LRBA: variants seen among roughly 807,000 people sequenced by gnomAD.
LRBA encodes lipopolysaccharide-responsive and beige-like anchor protein.
Under a neutral mutation model 330.0 loss-of-function variants are expected in LRBA, and 176 were observed. That is an observed-to-expected ratio of 0.53 (90% CI 0.47 to 0.60). LRBA has a LOEUF of 0.60. Among genes scored for constraint, LRBA ranks in the 20% least tolerant of loss-of-function variants. LRBA has a pLI of 0.00. For synonymous variants in LRBA, 1,230 were observed against 1,193.0 expected (o/e 1.03, Z -0.64); for missense variants, 3,259 against 3,444.8 (o/e 0.95, Z 1.35).
chr4:150,679,720 A>T (rs1182318226), intron 37 of LRBA: 1 of 152,220 alleles, frequency 6.6e-6, no homozygotes, highest in Non-Finnish European at 1.5e-5. Context: ...CTAAACCTAA[A>T]CAGTCTCCTA....
Position 150,957,460 on chromosome 4 carries a change from A to T in LRBA, c.217-28395T>A, listed in dbSNP as rs377015999. ...TTACCTCCCACTGGGTCCCTCCCAC[A>T]ACATGTGGGAATTGTGGGAGCTAGA... On this transcript the variant is annotated intron_variant, in intron 2 of 56. Transcript: ENST00000651943. Among the ~76,000 whole-genome samples, 17 of 148,530 alleles carry T rather than the reference A, an allele frequency of 1.1e-4. 2 individuals are homozygous for T. Among genetic ancestry groups the T allele is most frequent in the African/African-American group, 4.2e-4 (16 of 38,006 alleles).
At chr4:150,525,876 T>A (rs1260917812) in intron 40 of LRBA, among the ~76,000 whole-genome samples, 6 of 152,120 alleles carry the variant, frequency 3.9e-5, no homozygotes, top group Admixed American at 2.6e-4. Context: ...TTTATTCCTC[T>A]CAAATTTCTA....
intron 51 of LRBA, among the ~76,000 whole-genome samples, chr4:150,312,645 T>G (rs1731211695): frequency 2.0e-5 from 3 of 152,150 alleles, no homozygotes; most frequent in Admixed American, 6.6e-5. Context: ...TTTACTGCTT[T>G]CAATAAAATG....
chr4:150,366,782 T>C (rs1245039003), intron 47 of LRBA, among the ~76,000 whole-genome samples: 6 of 152,132 alleles, frequency 3.9e-5, no homozygotes, highest in Non-Finnish European at 8.8e-5. Flanking sequence ...AACCACCTGA[T>C]TGGAAAAGAG....
rs1382445452 is a variant in LRBA at position 150,777,729 on chromosome 4, C to T, written c.5581-15882G>A. ...GTGCAGTGGCTCCCATCTGTAATCC[C>T]AGCACTCTGGGAGGCCAAGGTGGGA... On this transcript the variant is annotated intron_variant, in intron 34 of 56. Coordinates refer to ENST00000651943, the MANE Select transcript of LRBA (RefSeq NM_001364905.1). Among the ~76,000 whole-genome samples the T allele has an allele frequency of 3.9e-5, 6 of 151,988 alleles. No individual in the cohort carries two copies. The East Asian group carries it at 1.2e-3, about 29-fold the overall frequency.
rs1194893285 is a variant in LRBA at position 150,996,621 on chromosome 4, A to G, written c.216+17806T>C. ...AAGTATGCATTGTTAAATCAATGAT[A>G]AAAGTTTTAAAATAATTCATTTTCT... is the stretch of plus-strand genomic sequence containing the variant. On this transcript the variant is annotated intron_variant, in intron 2 of 56. Transcript: ENST00000651943. 1.1e-4 allele frequency among the ~76,000 whole-genome samples: 17 copies of G among 152,210 alleles called. No individual in the cohort carries two copies. The South Asian group carries it at 3.5e-3, about 31-fold the overall frequency.
At chr4:150,405,228 A>G (rs1746022764) in intron 47 of LRBA, among the ~76,000 whole-genome samples, 1 of 152,246 alleles carries the variant, frequency 6.6e-6, no homozygotes, top group African/African-American at 2.4e-5. Context: ...AAAAAGCTCT[A>G]TGCATCTCAG....
chr4:150,330,038 A>G (rs550399282), intron 48 of LRBA, among the ~76,000 whole-genome samples: 3 of 152,270 alleles, frequency 2.0e-5, no homozygotes, highest in African/African-American at 7.2e-5. Context: ...CCTTTATGCA[A>G]TATTTCTCTG....
At chr4:150,880,264 T>C (rs982090177) in intron 17 of LRBA, among the ~76,000 whole-genome samples, 2 of 152,190 alleles carry the variant, frequency 1.3e-5, no homozygotes, top group Non-Finnish European at 2.9e-5. Context: ...TTGACACCTG[T>C]ATCCCAACAC....
At chr4:150,582,949 T>A in intron 40 of LRBA, 1 of 1,497,536 alleles carries the variant, frequency 6.7e-7, no homozygotes, top group Non-Finnish European at 8.9e-7. Flanking sequence ...CGAAAGCCGC[T>A]GGGCCACCAC....
chr4:150,892,209 CAA>C (rs1395141256), intron 17 of LRBA, among the ~76,000 whole-genome samples: 1 of 152,156 alleles, frequency 6.6e-6, no homozygotes, highest in Non-Finnish European at 1.5e-5. Flanking sequence ...TCTCATTAAA[CAA>C]AAGATTTTAA....
At chr4:150,493,578 G>T (rs953339571) in intron 40 of LRBA, among the ~76,000 whole-genome samples, 1 of 152,094 alleles carries the variant, frequency 6.6e-6, no homozygotes, top group African/African-American at 2.4e-5. Context: ...GAAAAACTAG[G>T]GTATCCAGCA....
chr4:150,719,740 C>T (rs1278776221), intron 36 of LRBA, among the ~76,000 whole-genome samples: 2 of 152,032 alleles, frequency 1.3e-5, no homozygotes, highest in East Asian at 1.9e-4. Flanking sequence ...GAGTAGGTAA[C>T]GTTACCTCTT....
intron 44 of LRBA, among the ~76,000 whole-genome samples, chr4:150,457,593 G>A (rs1209499522): frequency 6.6e-6 from 1 of 151,680 alleles, no homozygotes; most frequent in Non-Finnish European, 1.5e-5. Flanking sequence ...ATACATGCAA[G>A]TATATTTTAA....
At chr4:150,412,557 G>A (rs1245563604) in intron 47 of LRBA, among the ~76,000 whole-genome samples, 5 of 152,086 alleles carry the variant, frequency 3.3e-5, no homozygotes, top group African/African-American at 1.2e-4. Flanking sequence ...CTTAACTTAT[G>A]TAATTAAATT....
At chr4:150,881,689 T>G (rs1728409226) in intron 17 of LRBA, among the ~76,000 whole-genome samples, 1 of 152,128 alleles carries the variant, frequency 6.6e-6, no homozygotes, top group African/African-American at 2.4e-5. Context: ...ATTATTAACA[T>G]AAATACATAA....
intron 36 of LRBA, among the ~76,000 whole-genome samples, chr4:150,685,290 A>T (rs1004569440): frequency 4.1e-5 from 6 of 148,136 alleles, no homozygotes; most frequent in African/African-American, 1.2e-4. Context: ...CTCATTGTAA[A>T]CCAGTAAAAA....
At chr4:150,749,786 A>C (rs1406326216) in intron 35 of LRBA, among the ~76,000 whole-genome samples, 2 of 151,934 alleles carry the variant, frequency 1.3e-5, no homozygotes, top group Non-Finnish European at 2.9e-5. Context: ...GAAAAAAAAA[A>C]CCCTGTAAGT....
At chr4:150,389,049 G>A (rs1581179418) in intron 47 of LRBA, among the ~76,000 whole-genome samples, 1 of 152,210 alleles carries the variant, frequency 6.6e-6, no homozygotes, top group Non-Finnish European at 1.5e-5. Context: ...AGCATTCATG[G>A]TTCAAGAAGA....
Sources: gnomAD v4.1 joint callset for allele counts (sites outside exome capture counted in the v4.1 genomes callset) on GRCh38, gnomAD v4.1.1 for gene constraint, MANE v1.5 for transcripts, NCBI Gene and HGNC (gene_info 2026-07-23, HGNC 2026-07-21) for gene names.